KCNAB2: variants seen among roughly 807,000 people sequenced by gnomAD.
The protein encoded by KCNAB2 is voltage-gated potassium channel subunit beta-2.
Under a neutral mutation model 63.6 loss-of-function variants are expected in KCNAB2, and 29 were observed. The ratio of observed to expected loss-of-function variants is 0.46; its 90% CI spans 0.34 to 0.62. The LOEUF (loss-of-function observed/expected upper bound fraction) is 0.62. KCNAB2 is among the 20% of genes least tolerant of loss of function. The pLI, the probability that KCNAB2 is intolerant of heterozygous loss-of-function variation, is 0.01. For synonymous variants in KCNAB2, 222 were observed against 224.2 expected, an observed-to-expected ratio of 0.99 and a Z score of 0.09; for missense variants, 359 against 563.9, an observed-to-expected ratio of 0.64 and a Z score of 3.68.
Position 6,073,811 on chromosome 1 carries a change from G to A in KCNAB2, c.300+41G>A, listed in dbSNP as rs754407091. Reference sequence around the variant, plus strand: ...CCCAGCACCCCAGAACCCAGCACGGGCTCGCCAGAGCACATGGTTAAGTCT... The same window carrying A: ...CCCAGCACCCCAGAACCCAGCACGGACTCGCCAGAGCACATGGTTAAGTCT... On this transcript the variant is annotated intron_variant, in intron 4 of 15. Coordinates refer to ENST00000378083, the MANE Select transcript of KCNAB2 (RefSeq NM_001199862.2). The surrounding 1 kb of genome is among the most constrained non-coding windows in gnomAD (Gnocchi z 5.7). 14 of 1,600,498 alleles carry A rather than the reference G, an allele frequency of 8.7e-6. No individual in the cohort carries two copies. The highest frequency in any genetic ancestry group is 1.3e-5 in the African/African-American group (1 of 74,616).
chr1:6,004,585 G>C (rs991640384), intron 1 of KCNAB2, among the ~76,000 whole-genome samples: 6 of 149,678 alleles, frequency 4.0e-5, no homozygotes. Context: ...ACACCCCCCC[G>C]AGATTCTGCC....
chr1:6,061,870 A>G (rs865796610), intron 2 of KCNAB2, among the ~76,000 whole-genome samples: 1 of 152,226 alleles, frequency 6.6e-6, no homozygotes, highest in Middle Eastern at 3.2e-3. Context: ...AAATATGGGG[A>G]AAATGGAAAA....
intron 2 of KCNAB2, among the ~76,000 whole-genome samples, chr1:6,056,613 T>C (rs940514926): frequency 2.6e-5 from 4 of 152,198 alleles, no homozygotes; most frequent in Admixed American, 6.5e-5. Flanking sequence ...CCCATGGTGC[T>C]GGGAGTGAAC....
intron 1 of KCNAB2, among the ~76,000 whole-genome samples, chr1:5,998,208 T>G (rs950107928): frequency 6.6e-6 from 1 of 152,062 alleles, no homozygotes; most frequent in Non-Finnish European, 1.5e-5. Flanking sequence ...TATGGGTGAA[T>G]AGGATAACTA....
At chr1:6,016,574 A>G (rs922515714) in intron 1 of KCNAB2, among the ~76,000 whole-genome samples, 2 of 152,218 alleles carry the variant, frequency 1.3e-5, no homozygotes, top group Non-Finnish European at 2.9e-5. Context: ...ATGTGACTGG[A>G]CAGGCGTCTA....
chr1:6,016,156 C>T (rs1256736199), intron 1 of KCNAB2, among the ~76,000 whole-genome samples: 1 of 152,212 alleles, frequency 6.6e-6, no homozygotes, highest in East Asian at 1.9e-4. Context: ...CCAGCACCCA[C>T]CTGCTGCCTG....
rs1481252838 is a variant in KCNAB2 at position 6,086,582 on chromosome 1, C to A, written c.426-885C>A. ...ATGGGGCACCAGGAGGTCATTGTCA[C>A]CCCCTGGGTGGGAAGTACTCCCTCC... On this transcript the variant is annotated intron_variant, in intron 6 of 15. Transcript: ENST00000378083. This position sits in a 1 kb window ranked among gnomAD's most constrained non-coding sequence, Gnocchi z 4.2. Among the ~76,000 whole-genome samples the A allele has an allele frequency of 5.9e-5, 9 of 152,138 alleles. No individual in the cohort carries two copies. The highest frequency in any genetic ancestry group is 1.9e-4 in the African/African-American group (8 of 41,442).
At chr1:6,006,807 C>T (rs1657822031) in intron 1 of KCNAB2, among the ~76,000 whole-genome samples, 1 of 149,908 alleles carries the variant, frequency 6.7e-6, no homozygotes, top group Non-Finnish European at 1.5e-5. Flanking sequence ...CCTCTGGGCT[C>T]TGAGTTCCCC....
chr1:6,004,104 G>A (rs998900774), intron 1 of KCNAB2, among the ~76,000 whole-genome samples: 2 of 152,204 alleles, frequency 1.3e-5, no homozygotes, highest in Admixed American at 1.3e-4. Flanking sequence ...AGACATTTCA[G>A]CCTCGAGGTT....
rs1372343098 is a variant in KCNAB2, at chr1:6,095,565, G to A, written c.889G>A (p.Gly297Ser). ...CATGACCTGGTCCCCTCTGGCCTGT[G>A]GCATTGTTTCTGGCAAGTACGACAG... ...GAMTWSPLAC[G>S]IVSGKYDSGI... Residue 297 changes from glycine to serine, a missense_variant, in exon 13 of 16, where the codon GGC (glycine) becomes AGC (serine). Physicochemically the swap from Gly to Ser is moderately conservative, Grantham distance 56. Coordinates refer to ENST00000378083, the MANE Select transcript of KCNAB2 (RefSeq NM_001199862.2). The A allele has an allele frequency of 3.1e-6, 5 of 1,613,446 alleles. No homozygotes were observed. Among genetic ancestry groups the A allele is most frequent in the Non-Finnish European group, 4.2e-6 (5 of 1,179,984 alleles).
intron 15 of KCNAB2, 188 bp downstream of exon 15, chr1:6,097,545 G>T: frequency 1.0e-6 from 1 of 1,001,268 alleles, no homozygotes; most frequent in Non-Finnish European, 1.5e-6. Context: ...CTAACTGCAC[G>T]AAACAAGGAG....
intron 4 of KCNAB2, among the ~76,000 whole-genome samples, chr1:6,077,559 C>A (rs1229597103): frequency 9.2e-5 from 14 of 152,146 alleles, no homozygotes; most frequent in Admixed American, 8.5e-4. Flanking sequence ...GTCTGCACGC[C>A]TTCGGGGGTC....
In KCNAB2 at chr1:6,100,248, T is replaced by C; in HGVS notation, c.*1674T>C. ...GGAGGAGGGGGATCAGCTTCTGCTA[T>C]TACCGACCCCCCTTCATGCTGCCCC... On this transcript the variant is annotated 3_prime_UTR_variant, in exon 16 of 16. Transcript: ENST00000378083. 1 of 639,884 alleles carries C rather than the reference T, an allele frequency of 1.6e-6. No homozygotes were observed. The highest frequency in any genetic ancestry group is 2.4e-6 in the Non-Finnish European group (1 of 415,476). The allele number at this position is 639,884 out of a possible 1,614,324, so 39.6% of individuals were successfully genotyped here. A position where few individuals can be genotyped will look rare whatever the true frequency, so the allele number is the denominator to read the frequency against.
At chr1:6,000,963 T>C (rs1657222749) in intron 1 of KCNAB2, among the ~76,000 whole-genome samples, 1 of 152,088 alleles carries the variant, frequency 6.6e-6, no homozygotes, top group Non-Finnish European at 1.5e-5. Context: ...CACCAAAGCA[T>C]TGACAGCGTC....
In KCNAB2 at chr1:6,099,939, G is replaced by T. The variant is rs1339011937; in HGVS notation, c.*1365G>T. On this transcript the variant is annotated 3_prime_UTR_variant, in exon 16 of 16. Transcript: ENST00000378083. ...GGGTGCCACCTACAGGCCCAGGCCT[G>T]TGTCCCAAGCAGTACCCAGGCTTTG... The T allele has an allele frequency of 6.4e-7, 1 of 1,550,450 alleles. No individual in the cohort carries two copies. Among genetic ancestry groups the T allele is most frequent in the Admixed American group, 2.0e-5 (1 of 50,994 alleles).
chr1:6,070,970 G>A (rs965417573), intron 2 of KCNAB2, among the ~76,000 whole-genome samples: 9 of 152,104 alleles, frequency 5.9e-5, no homozygotes, highest in African/African-American at 2.2e-4. Context: ...AGCTGGAGTG[G>A]TTTTAATAGG....
At chr1:6,017,310 G>A (rs1658563125) in intron 1 of KCNAB2, among the ~76,000 whole-genome samples, 1 of 152,136 alleles carries the variant, frequency 6.6e-6, no homozygotes, top group Admixed American at 6.5e-5. Context: ...GAGTGCAGTG[G>A]CACGATCTTA....
intron 2 of KCNAB2, among the ~76,000 whole-genome samples, chr1:6,068,983 C>T (rs1662976177): frequency 6.6e-6 from 1 of 152,184 alleles, no homozygotes; most frequent in African/African-American, 2.4e-5. Context: ...AGGGAGGGGC[C>T]AGCACTTGGT....
intron 11 of KCNAB2, 144 bp downstream of exon 11, chr1:6,094,629 G>A (rs1665469783): frequency 3.1e-6 from 2 of 655,594 alleles, no homozygotes; most frequent in South Asian, 1.8e-5. Flanking sequence ...ACAGGATGGT[G>A]GAGTGTGGTG....
Sources: allele counts gnomAD v4.1 joint callset (sites outside exome capture counted in the v4.1 genomes callset), GRCh38; gene constraint gnomAD v4.1.1; non-coding constraint Gnocchi (gnomAD v3.1); transcripts MANE v1.5; gene names NCBI Gene and HGNC (gene_info 2026-07-23, HGNC 2026-07-21).